The following PRKG1 variants were observed in gnomAD, a reference collection of about 807,000 sequenced individuals.
PRKG1 encodes protein kinase cGMP-dependent 1.
In PRKG1, 35 loss-of-function variants were observed where a neutral mutation model predicts 88.1. The observed-to-expected ratio is 0.40, with a 90% CI of 0.30 to 0.53. The LOEUF is 0.53. Among genes scored for constraint, PRKG1 ranks in the 20% least tolerant of loss-of-function variants. The probability of loss-of-function intolerance (pLI) is 0.59; values close to 1 mark genes in which losing one functional copy is unlikely to be tolerated. For synonymous variants in PRKG1, 303 were observed against 292.5 expected, an observed-to-expected ratio of 1.04 and a Z score of -0.37; for missense variants, 540 against 839.8, an observed-to-expected ratio of 0.64 and a Z score of 4.41.
rs185271356 is a variant in PRKG1 at position 51,997,248 on chromosome 10, G to C, written c.763-57236G>C. Among the ~76,000 whole-genome samples the C allele has an allele frequency of 7.2e-5, 11 of 152,028 alleles. 1 individual carries two copies. In the East Asian group the frequency reaches 2.1e-3, roughly 29 times the overall value. The stretch of plus-strand genomic sequence containing the variant: ...AGCACTTTGGGAGGCAGAGGCAGGC[G>C]GATCACGAGGTCAAGAGATTGAGCC... On this transcript the variant is annotated intron_variant, in intron 5 of 17. Coordinates refer to ENST00000373980, the MANE Select transcript of PRKG1 (RefSeq NM_006258.4).
chr10:51,804,611 A>G lies in PRKG1; in HGVS notation c.619A>G (p.Ile207Val), dbSNP rs1235083176. 5.6e-6 allele frequency: 9 copies of G among 1,601,000 alleles called. No homozygotes were observed. Among genetic ancestry groups the G allele is most frequent in the South Asian group, 1.1e-5 (1 of 90,732 alleles). The change falls in exon 4 of 18, where the codon ATT becomes GTT. Residue 207 changes from isoleucine (I) to valine (V), a missense_variant. By Grantham distance (29) the Ile-to-Val change is conservative. Around this residue, in one of 5 missense-constraint regions of PRKG1, gnomAD observed 400 missense variants for 562.7 expected, o/e 0.71. Coordinates refer to ENST00000373980, the MANE Select transcript of PRKG1 (RefSeq NM_006258.4). Reference sequence around the variant, plus strand: ...TCTTGTAAATGTAAAACTCTGGGCCATTGATCGACAATGTTTTCAAACAAT... The same window carrying G: ...TCTTGTAAATGTAAAACTCTGGGCCGTTGATCGACAATGTTTTCAAACAAT... ...KTLVNVKLWA[I>V]DRQCFQTIMM...
At chr10:51,181,397 G>A (rs370451564) in intron 2 of PRKG1, among the ~76,000 whole-genome samples, 8 of 149,446 alleles carry the variant, frequency 5.4e-5, no homozygotes, top group African/African-American at 1.5e-4. Context: ...GCCCGCCACC[G>A]CGCCCGGCTA....
chr10:51,940,651 A>G (rs1174931263), intron 5 of PRKG1, among the ~76,000 whole-genome samples: 1 of 151,814 alleles, frequency 6.6e-6, no homozygotes, highest in African/African-American at 2.4e-5. Context: ...TTAAACATGC[A>G]AGTCCTGCCA....
chr10:51,928,989 G>A (rs903452827), intron 5 of PRKG1, among the ~76,000 whole-genome samples: 1 of 152,052 alleles, frequency 6.6e-6, no homozygotes, highest in African/African-American at 2.4e-5. Flanking sequence ...TAATTAAATT[G>A]TTTATTCTAA....
intron 3 of PRKG1, among the ~76,000 whole-genome samples, chr10:51,624,642 G>A (rs1839290262): frequency 6.6e-6 from 1 of 152,046 alleles, no homozygotes; most frequent in African/African-American, 2.4e-5. Context: ...ATGGGATTTG[G>A]GACACAGTTG....
intron 3 of PRKG1, among the ~76,000 whole-genome samples, chr10:51,591,653 G>T (rs1189973835): frequency 3.3e-5 from 5 of 152,002 alleles, no homozygotes; most frequent in African/African-American, 4.8e-5. Context: ...AGGCTGTGGG[G>T]GTTGTTAAAA....
chr10:51,512,344 C>A (rs893037387), intron 3 of PRKG1, among the ~76,000 whole-genome samples: 2 of 103,332 alleles, frequency 1.9e-5, no homozygotes, highest in African/African-American at 3.8e-5. Flanking sequence ...TCCCTCCCCC[C>A]TCCCCCCACC....
At chr10:51,893,912 T>C (rs1241220414) in intron 4 of PRKG1, among the ~76,000 whole-genome samples, 1 of 152,168 alleles carries the variant, frequency 6.6e-6, no homozygotes, top group Admixed American at 6.6e-5. Context: ...AGCAGGACTT[T>C]CAATGAATTT....
chr10:51,204,691 C>G (rs1410995982), intron 2 of PRKG1, among the ~76,000 whole-genome samples: 1 of 152,066 alleles, frequency 6.6e-6, no homozygotes, highest in African/African-American at 2.4e-5. Context: ...CAAATGGGGG[C>G]TTTTCACCAG....
chr10:51,639,436 C>CAAAAA (rs769304908), intron 3 of PRKG1, among the ~76,000 whole-genome samples: 74 of 31,790 alleles, frequency 2.3e-3, no homozygotes, highest in African/African-American at 4.3e-3. Context: ...GACTCCATCT[C>CAAAAA]AAAAAAAAAA....
rs1004499256 is a variant in PRKG1, at chr10:52,119,971, G to A, written c.936-13869G>A. Reference sequence around the variant, plus strand: ...AGATAGACAGACAGAGACAGAGAGAGACAGAGAGGGAAAGTGAGACAGAGA... The same window carrying A: ...AGATAGACAGACAGAGACAGAGAGAAACAGAGAGGGAAAGTGAGACAGAGA... On this transcript the variant is annotated intron_variant, in intron 7 of 17. Transcript: ENST00000373980. Among the ~76,000 whole-genome samples, 7 of 151,252 alleles carry A rather than the reference G, an allele frequency of 4.6e-5. No homozygotes were observed. The South Asian group carries it at 1.5e-3, about 32-fold the overall frequency.
In PRKG1 at chr10:51,739,277, G is replaced by A. The variant is rs111500634; in HGVS notation, c.593-65308G>A. Among the ~76,000 whole-genome samples, 642 of 152,080 alleles carry A rather than the reference G, an allele frequency of 4.2e-3. 6 individuals are homozygous for A. The highest frequency in any genetic ancestry group is 0.017 in the Middle Eastern group (5 of 294). Reference sequence around the variant, plus strand: ...AATAGGCAGATAATGGATAAATAAGGACATTATTCTCCTATGAAGATTTGC... The same window carrying A: ...AATAGGCAGATAATGGATAAATAAGAACATTATTCTCCTATGAAGATTTGC... On this transcript the variant is annotated intron_variant, in intron 3 of 17. Transcript: ENST00000373980.
intron 3 of PRKG1, among the ~76,000 whole-genome samples, chr10:51,527,694 C>A (rs1386045201): frequency 6.6e-6 from 1 of 152,136 alleles, no homozygotes; most frequent in African/African-American, 2.4e-5. Context: ...TTTAACTAAA[C>A]ATTCATGCCA....
chr10:51,827,739 G>C (rs573718835), intron 4 of PRKG1, among the ~76,000 whole-genome samples: 1 of 152,056 alleles, frequency 6.6e-6, no homozygotes, highest in Non-Finnish European at 1.5e-5. Context: ...CTGGAAAAAT[G>C]CCATCTTATA....
chr10:52,045,759 T>C (rs1027252810), intron 5 of PRKG1, among the ~76,000 whole-genome samples: 6 of 152,040 alleles, frequency 3.9e-5, no homozygotes, highest in African/African-American at 1.4e-4. Context: ...CCAAGGAGTT[T>C]AGGTTTTCTA....
Position 52,280,846 on chromosome 10 carries a change from T to A in PRKG1, c.1461T>A (p.Phe487Leu). Residue 487 changes from phenylalanine (F) to leucine (L), a missense_variant, in exon 13 of 18, where the codon TTT becomes TTA. Coordinates refer to ENST00000373980, the MANE Select transcript of PRKG1 (RefSeq NM_006258.4). ...RFYTACVVEA[F>L]AYLHSKGIIY... ...ACACAGCATGTGTGGTAGAAGCTTT[T>A]GCCTATCTGCATTCCAAAGGAATCA... is the stretch of plus-strand genomic sequence containing the variant. 6.2e-7 allele frequency: 1 copy of A among 1,613,430 alleles called. No homozygotes were observed. The highest frequency in any genetic ancestry group is 8.5e-7 in the Non-Finnish European group (1 of 1,179,486).
At chr10:51,563,206 C>T (rs1048875548) in intron 3 of PRKG1, among the ~76,000 whole-genome samples, 1 of 152,046 alleles carries the variant, frequency 6.6e-6, no homozygotes, top group Non-Finnish European at 1.5e-5. Context: ...AAAATTACAG[C>T]TAGATAGGAA....
intron 3 of PRKG1, among the ~76,000 whole-genome samples, chr10:51,792,828 T>G (rs4558116): frequency 0.038 from 5,762 of 152,198 alleles, 340 homozygotes; most frequent in African/African-American, 0.13. Flanking sequence ...GGAGTTACTG[T>G]GCCTAAAAAT....
intron 3 of PRKG1, among the ~76,000 whole-genome samples, chr10:51,775,381 A>G (rs996915763): frequency 1.3e-5 from 2 of 152,108 alleles, no homozygotes; most frequent in Non-Finnish European, 2.9e-5. Flanking sequence ...GCTTACTTAT[A>G]TTAATATTTC....
Sources: gnomAD v4.1 joint callset for allele counts (sites outside exome capture counted in the v4.1 genomes callset) on GRCh38, gnomAD v4.1.1 for gene constraint, gnomAD v4.1.1 regional missense constraint, MANE v1.5 for transcripts, NCBI Gene and HGNC (gene_info 2026-07-23, HGNC 2026-07-21) for gene names.